Variants in TMOD1 observed in about 807,000 individuals in gnomAD.
The protein encoded by TMOD1 is tropomodulin 1.
TMOD1 carries 17 observed loss-of-function variants against 40.6 expected under a neutral mutation model. The observed-to-expected ratio is 0.42, with a 90% CI of 0.29 to 0.63. The LOEUF is 0.63. TMOD1 is among the 20% of genes least tolerant of loss of function. The probability of loss-of-function intolerance (pLI) is 0.22; values close to 1 mark genes in which losing one functional copy is unlikely to be tolerated. For synonymous variants in TMOD1, 181 were observed against 175.0 expected (o/e 1.03, Z -0.27); for missense variants, 391 against 447.6 (o/e 0.87, Z 1.14).
At chr9:97,541,687 T>C (rs1830278434) in intron 2 of TMOD1, among the ~76,000 whole-genome samples, 1 of 151,922 alleles carries the variant, frequency 6.6e-6, no homozygotes, top group African/African-American at 2.4e-5. Flanking sequence ...GGCTAATTTT[T>C]GTATTTTTAG....
At chr9:97,592,429 GAA>G (rs10710591) in intron 9 of TMOD1, among the ~76,000 whole-genome samples, 9 of 146,526 alleles carry the variant, frequency 6.1e-5, no homozygotes, top group Non-Finnish European at 1.1e-4. Context: ...TAATGAGTTT[GAA>G]AAAAAAAAAA....
At chr9:97,505,765 C>T (rs560620641) in intron 1 of TMOD1, among the ~76,000 whole-genome samples, 2 of 152,280 alleles carry the variant, frequency 1.3e-5, no homozygotes, top group South Asian at 4.1e-4. Flanking sequence ...CAAGTCCTGT[C>T]AATGCTACCT....
chr9:97,504,076 T>G (rs1488253564), intron 1 of TMOD1, among the ~76,000 whole-genome samples: 3 of 152,104 alleles, frequency 2.0e-5, no homozygotes, highest in African/African-American at 7.2e-5. Flanking sequence ...ATGAGTGACT[T>G]AGACCAGGGT....
intron 7 of TMOD1, among the ~76,000 whole-genome samples, chr9:97,568,570 C>G (rs1830768521): frequency 6.6e-6 from 1 of 152,144 alleles, no homozygotes; most frequent in Non-Finnish European, 1.5e-5. Context: ...AGGGCAGAGA[C>G]AAAGTGGGAA....
intron 8 of TMOD1, among the ~76,000 whole-genome samples, chr9:97,590,790 T>C (rs1451688216): frequency 6.6e-6 from 1 of 152,164 alleles, no homozygotes; most frequent in African/African-American, 2.4e-5. Flanking sequence ...TCTCTGGGCC[T>C]CAATTTTTTC....
Position 97,546,169 on chromosome 9 carries a change from A to G in TMOD1, c.121-16A>G, listed in dbSNP as rs1288109533. 5.6e-6 allele frequency: 9 copies of G among 1,593,712 alleles called. No individual in the cohort carries two copies. The highest frequency in any genetic ancestry group is 6.0e-6 in the Non-Finnish European group (7 of 1,172,776). ...CTCTTTCTCTCTCTCCTGCCCCCCC[A>G]CAACCTCCAATGTAGAATGCACTGC... On this transcript the variant is annotated splice_polypyrimidine_tract_variant and intron_variant, in intron 2 of 9. Coordinates refer to ENST00000259365, the MANE Select transcript of TMOD1 (RefSeq NM_003275.4).
At chr9:97,522,449 C>T (rs1000511165) in intron 1 of TMOD1, among the ~76,000 whole-genome samples, 1 of 152,194 alleles carries the variant, frequency 6.6e-6, no homozygotes, top group African/African-American at 2.4e-5. Flanking sequence ...CTACTTATAT[C>T]TGCAATGACC....
intron 2 of TMOD1, among the ~76,000 whole-genome samples, chr9:97,524,512 GTGTGTGTGTA>G (rs920961988): frequency 1.9e-4 from 28 of 151,302 alleles, no homozygotes; most frequent in Admixed American, 9.2e-4. Flanking sequence ...GTGTGTGTGT[GTGTGTGTGTA>G]TGTGTGTGTG....
In TMOD1 at chr9:97,557,304, G is replaced by A. The variant is rs1310687567; in HGVS notation, c.397+3904G>A. The stretch of plus-strand genomic sequence containing the variant: ...GGTTGTAGGTCAGAGGCTGCTGGGA[G>A]TCAGCAAGCACTTGTAATTCGCAGT... On this transcript the variant is annotated intron_variant, in intron 4 of 9. Coordinates refer to ENST00000259365, the MANE Select transcript of TMOD1 (RefSeq NM_003275.4). The surrounding 1 kb of genome is among the most constrained non-coding windows in gnomAD (Gnocchi z 4.4). 6.6e-6 allele frequency among the ~76,000 whole-genome samples: 1 copy of A among 152,190 alleles called. No homozygotes were observed. The highest frequency in any genetic ancestry group is 1.5e-5 in the Non-Finnish European group (1 of 68,026).
intron 2 of TMOD1, among the ~76,000 whole-genome samples, chr9:97,533,059 G>A (rs188044949): frequency 1.8e-3 from 267 of 152,274 alleles, no homozygotes; most frequent in Non-Finnish European, 3.2e-3. Flanking sequence ...GTATTGCCAC[G>A]TCACCTAATG....
At chr9:97,583,870 C>A (rs1344587600) in intron 8 of TMOD1, among the ~76,000 whole-genome samples, 2 of 148,034 alleles carry the variant, frequency 1.4e-5, no homozygotes, top group African/African-American at 5.0e-5. Flanking sequence ...TTTTTTATTG[C>A]GTCTATTTGA....
intron 8 of TMOD1, among the ~76,000 whole-genome samples, chr9:97,584,548 G>T (rs1048924032): frequency 1.1e-4 from 17 of 151,950 alleles, no homozygotes; most frequent in Non-Finnish European, 2.2e-4. Context: ...TCAATTCCTG[G>T]GTATCCTTGT....
In TMOD1 at chr9:97,577,167, A is replaced by T. The variant is rs115677287; in HGVS notation, c.870+8130A>T. On this transcript the variant is annotated intron_variant, in intron 8 of 9. Transcript: ENST00000259365. ...CCCAGAGACTGTTGCCAGTCCGGGC[A>T]TGACCAACCCCTTGGTCTCTCCCCC... 3.8e-3 allele frequency among the ~76,000 whole-genome samples: 581 copies of T among 152,322 alleles called. 3 individuals carry two copies. The highest frequency in any genetic ancestry group is 0.012 in the African/African-American group (482 of 41,570).
At chr9:97,545,638 A>G (rs1425329562) in intron 2 of TMOD1, among the ~76,000 whole-genome samples, 2 of 152,200 alleles carry the variant, frequency 1.3e-5, no homozygotes, top group Middle Eastern at 3.4e-3. Context: ...TCTGCAGGGC[A>G]CTGCTCACCT....
chr9:97,598,990 A>AGCCCCTCCT (rs911690153), intron 9 of TMOD1, among the ~76,000 whole-genome samples: 2 of 152,144 alleles, frequency 1.3e-5, no homozygotes, highest in African/African-American at 4.8e-5. Context: ...CAACAAACAG[A>AGCCCCTCCT]GCCCCTCCTG....
chr9:97,528,695 C>T (rs1830054267), intron 2 of TMOD1, among the ~76,000 whole-genome samples: 1 of 152,184 alleles, frequency 6.6e-6, no homozygotes, highest in African/African-American at 2.4e-5. Context: ...CAATGAGAGA[C>T]TCCTAGCCAG....
intron 8 of TMOD1, among the ~76,000 whole-genome samples, chr9:97,581,359 G>A (rs538640365): frequency 6.6e-6 from 1 of 151,470 alleles, no homozygotes; most frequent in South Asian, 2.1e-4. Flanking sequence ...ATTCCATGGT[G>A]TATATGTGCC....
chr9:97,591,366 G>A lies in TMOD1; in HGVS notation c.946G>A (p.Gly316Ser), dbSNP rs770377282. Residue 316 changes from glycine to serine, a missense_variant, in exon 9 of 10, where the codon GGC becomes AGC. Coordinates refer to ENST00000259365, the MANE Select transcript of TMOD1 (RefSeq NM_003275.4). Reference protein sequence around the residue: ...LEKNATLLKFGYHFTQQGPRL... With the variant: ...LEKNATLLKFSYHFTQQGPRL... ...AAAAAACGCAACACTTCTCAAATTCGGCTACCACTTTACCCAGCAAGGACC... is the reference window on the plus strand; with the variant it reads ...AAAAAACGCAACACTTCTCAAATTCAGCTACCACTTTACCCAGCAAGGACC... The A allele has an allele frequency of 1.9e-5, 30 of 1,613,944 alleles. No individual in the cohort carries two copies. The highest frequency in any genetic ancestry group is 6.6e-5 in the South Asian group (6 of 91,082).
rs560199133 is a variant in TMOD1 at position 97,513,875 on chromosome 9, A to G, written c.-48-10266A>G. ...CGAGACCCCGGGACTAGAAATTTCA[A>G]TGGATTGGAAGACACTAGGGAGGAA... is the stretch of plus-strand genomic sequence containing the variant. On this transcript the variant is annotated intron_variant, in intron 1 of 9. Transcript: ENST00000259365. This position sits in a 1 kb window ranked among gnomAD's most constrained non-coding sequence, Gnocchi z 4.1. 18 of 152,332 alleles carry G rather than the reference A, an allele frequency of 1.2e-4. No individual in the cohort carries two copies. Among genetic ancestry groups the G allele is most frequent in the Admixed American group, 1.1e-3 (17 of 15,300 alleles). The allele number at this position is 152,332 out of a possible 1,614,324, so 9.4% of individuals were successfully genotyped here. A position where few individuals can be genotyped will look rare whatever the true frequency, so the allele number is the denominator to read the frequency against.
Sources: allele counts gnomAD v4.1 joint callset (sites outside exome capture counted in the v4.1 genomes callset), GRCh38; gene constraint gnomAD v4.1.1; non-coding constraint Gnocchi (gnomAD v3.1); transcripts MANE v1.5; gene names NCBI Gene and HGNC (gene_info 2026-07-23, HGNC 2026-07-21).